KCNH8: variants seen among roughly 807,000 people sequenced by gnomAD.
The protein encoded by KCNH8 is voltage-gated delayed rectifier potassium channel KCNH8.
Under a neutral mutation model 103.6 loss-of-function variants are expected in KCNH8, and 70 were observed. That is an observed-to-expected ratio of 0.68 (90% CI 0.56 to 0.82). KCNH8 has a LOEUF of 0.82. Among genes scored for constraint, KCNH8 ranks in the 40% least tolerant of loss-of-function variants. KCNH8 has a pLI of 0.00. For synonymous variants in KCNH8, 498 were observed against 489.4 expected (o/e 1.02, Z -0.23); for missense variants, 1,217 against 1,329.9 (o/e 0.92, Z 1.32).
intron 7 of KCNH8, among the ~76,000 whole-genome samples, chr3:19,419,190 TTTTGG>T (rs1453074832): frequency 2.4e-3 from 250 of 104,768 alleles, no homozygotes; most frequent in African/African-American, 7.4e-3. Flanking sequence ...ATTAAAATGG[TTTTGG>T]TTTTTTTTTT....
chr3:19,406,057 A>C (rs971849378), intron 7 of KCNH8, among the ~76,000 whole-genome samples: 7 of 152,068 alleles, frequency 4.6e-5, no homozygotes, highest in African/African-American at 1.7e-4. Context: ...TGGTTACATT[A>C]CCTTTAAGAA....
At chr3:19,513,780 G>A (rs1334033298) in intron 13 of KCNH8, among the ~76,000 whole-genome samples, 1 of 152,010 alleles carries the variant, frequency 6.6e-6, no homozygotes, top group Admixed American at 6.6e-5. Flanking sequence ...TATCAAGGAC[G>A]GCTAAAACTT....
chr3:19,216,690 G>C (rs7433172), intron 1 of KCNH8, among the ~76,000 whole-genome samples: 6,112 of 152,238 alleles, frequency 0.04, 431 homozygotes, highest in African/African-American at 0.14. Context: ...GTGGAAATGT[G>C]TGTCCCTCAA....
At chr3:19,215,079 G>A (rs975466170) in intron 1 of KCNH8, among the ~76,000 whole-genome samples, 1 of 152,194 alleles carries the variant, frequency 6.6e-6, no homozygotes, top group Non-Finnish European at 1.5e-5. Context: ...TCCCTAGAAT[G>A]TGGGCCAGCA....
chr3:19,391,657 A>G (rs1445580862), intron 6 of KCNH8: 2 of 152,044 alleles, frequency 1.3e-5, no homozygotes, highest in Non-Finnish European at 2.9e-5. Flanking sequence ...AATTGCCTGT[A>G]CAATAGTTTC....
At chr3:19,438,500 T>C in intron 8 of KCNH8, 139 bp downstream of exon 8, 4 of 720,578 alleles carry the variant, frequency 5.6e-6, no homozygotes, top group Non-Finnish European at 6.7e-6. Flanking sequence ...TTAGACAGTC[T>C]AGATGCAAAG....
chr3:19,410,689 A>C (rs555966095), intron 7 of KCNH8, among the ~76,000 whole-genome samples: 7 of 152,030 alleles, frequency 4.6e-5, no homozygotes, highest in Non-Finnish European at 8.8e-5. Context: ...AAGTACAATA[A>C]GAAACAGCAA....
intron 1 of KCNH8, among the ~76,000 whole-genome samples, chr3:19,185,670 A>G (rs181238764): frequency 1.3e-5 from 2 of 152,072 alleles, no homozygotes; most frequent in East Asian, 3.9e-4. Context: ...ACCATTTATC[A>G]CTGTAATTGA....
chr3:19,472,003 A>C (rs1301540844), intron 11 of KCNH8, among the ~76,000 whole-genome samples: 2 of 152,210 alleles, frequency 1.3e-5, no homozygotes. Context: ...GCTATACTTC[A>C]ATTAGAAAGT....
At chr3:19,376,607 C>T (rs2066210615) in intron 5 of KCNH8, among the ~76,000 whole-genome samples, 1 of 152,194 alleles carries the variant, frequency 6.6e-6, no homozygotes, top group South Asian at 2.1e-4. Flanking sequence ...TCCTATTCGG[C>T]CATCTTGGCT....
intron 3 of KCNH8, among the ~76,000 whole-genome samples, chr3:19,291,638 C>T (rs936105583): frequency 1.4e-3 from 209 of 152,178 alleles, no homozygotes; most frequent in African/African-American, 4.6e-3. Flanking sequence ...TTCTTTTACA[C>T]TTGCTGAGGA....
chr3:19,201,254 A>AAAAAAAAAAAAAAAAAAAG (rs1559419872), intron 1 of KCNH8, among the ~76,000 whole-genome samples: 5 of 143,408 alleles, frequency 3.5e-5, no homozygotes, highest in Non-Finnish European at 6.2e-5. Flanking sequence ...AAAAAAAAAA[A>AAAAAAAAAAAAAAAAAAAG]AAAAAAAAGA....
At chr3:19,379,674 G>A (rs1028373274) in intron 5 of KCNH8, among the ~76,000 whole-genome samples, 1 of 151,988 alleles carries the variant, frequency 6.6e-6, no homozygotes, top group African/African-American at 2.4e-5. Flanking sequence ...CATTATCTTG[G>A]TAACAGAATT....
At chr3:19,172,661 A>G (rs1249484851) in intron 1 of KCNH8, among the ~76,000 whole-genome samples, 1 of 152,164 alleles carries the variant, frequency 6.6e-6, no homozygotes. Flanking sequence ...GTCTTATGAG[A>G]TATTGACCTC....
In KCNH8 at chr3:19,281,190, T is replaced by C. The variant is rs961581348; in HGVS notation, c.311-8T>C. The C allele has an allele frequency of 6.2e-7, 1 of 1,604,346 alleles. No homozygotes were observed. The highest frequency in any genetic ancestry group is 8.5e-7 in the Non-Finnish European group (1 of 1,176,110). ...TTGATTTGTATTTTTTTTTCTTTAC[T>C]GTTGCAGGGTCTCCATTTTGGTGCC... On this transcript the variant is annotated splice_region_variant and splice_polypyrimidine_tract_variant and intron_variant, in intron 2 of 15. Coordinates refer to ENST00000328405, the MANE Select transcript of KCNH8 (RefSeq NM_144633.3).
At chr3:19,350,064 T>C (rs1387925781) in intron 5 of KCNH8, among the ~76,000 whole-genome samples, 1 of 152,134 alleles carries the variant, frequency 6.6e-6, no homozygotes, top group Non-Finnish European at 1.5e-5. Flanking sequence ...TCCTATTCTT[T>C]CCTGCTGTTA....
intron 1 of KCNH8, among the ~76,000 whole-genome samples, chr3:19,228,081 G>A (rs185452785): frequency 9.3e-4 from 141 of 152,218 alleles, no homozygotes; most frequent in African/African-American, 3.3e-3. Flanking sequence ...AACCAGAATT[G>A]GAATCCAAAC....
intron 3 of KCNH8, among the ~76,000 whole-genome samples, chr3:19,293,181 G>C (rs193172742): frequency 5.3e-5 from 8 of 152,040 alleles, no homozygotes. Flanking sequence ...CCAATGCCTC[G>C]GTGCTGTGCA....
Position 19,533,395 on chromosome 3 carries a change from G to A in KCNH8, c.2620G>A (p.Val874Ile), listed in dbSNP as rs758616560. Residue 874 changes from valine to isoleucine, a missense_variant and splice_region_variant, in exon 16 of 16, where the codon GTA (valine) becomes ATA (isoleucine). Val to Ile is a conservative substitution (Grantham distance 29). This residue lies in a region of KCNH8 where 558 missense variants were observed against 495.8 expected (regional missense o/e 1.13). Coordinates refer to ENST00000328405, the MANE Select transcript of KCNH8 (RefSeq NM_144633.3). Reference protein sequence around the residue: ...KQQINKLNSEVTTLTQEVSQL... With the variant: ...KQQINKLNSEITTLTQEVSQL... ...CTTTCACTTTGCTCTATCCACATAG[G>A]TAACAACATTGACTCAGGAAGTTTC... 44 of 1,609,124 alleles carry A rather than the reference G, an allele frequency of 2.7e-5. No individual in the cohort carries two copies. The highest frequency in any genetic ancestry group is 3.7e-5 in the Non-Finnish European group (44 of 1,175,562).
Sources: allele counts gnomAD v4.1 joint callset (sites outside exome capture counted in the v4.1 genomes callset), GRCh38; gene constraint gnomAD v4.1.1; regional missense constraint gnomAD v4.1.1; transcripts MANE v1.5; gene names NCBI Gene and HGNC (gene_info 2026-07-23, HGNC 2026-07-21).